Variants in MTUS1 observed in about 807,000 individuals in gnomAD.
The protein encoded by MTUS1 is microtubule-associated tumor suppressor 1.
MTUS1 carries 109 observed loss-of-function variants against 120.8 expected under a neutral mutation model. The observed-to-expected ratio is 0.90, with a 90% CI of 0.77 to 1.06. The LOEUF (loss-of-function observed/expected upper bound fraction) is 1.06. Ranked by LOEUF, MTUS1 falls within the 50% of genes least tolerant of loss-of-function variation. The pLI, the probability that MTUS1 is intolerant of heterozygous loss-of-function variation, is 0.00. For synonymous variants in MTUS1, 737 were observed against 550.5 expected, an observed-to-expected ratio of 1.34 and a Z score of -4.74; for missense variants, 2,210 against 1,486.3, an observed-to-expected ratio of 1.49 and a Z score of -8.01.
At chr8:17,796,220 G>A (rs1414905994) in intron 1 of MTUS1, among the ~76,000 whole-genome samples, 1 of 582 alleles carries the variant, frequency 1.7e-3, no homozygotes, top group East Asian at 0.083. Context: ...CAAAGTGCTG[G>A]GATTACAATG....
chr8:17,751,565 T>TC (rs2048193507), intron 2 of MTUS1, among the ~76,000 whole-genome samples: 1 of 64,516 alleles, frequency 1.6e-5, no homozygotes, highest in Non-Finnish European at 5.5e-5. Flanking sequence ...GACATGATCG[T>TC]GAAAAAAGAG....
intron 1 of MTUS1, 132 bp from the exon 2 acceptor site, chr8:17,756,093 G>T (rs2048587015): frequency 8.1e-6 from 3 of 369,178 alleles, no homozygotes; most frequent in Non-Finnish European, 1.4e-5. Flanking sequence ...ACTGATGTGG[G>T]TAACTGAGAT....
chr8:17,665,683 A>G (rs932051961), intron 8 of MTUS1, among the ~76,000 whole-genome samples: 5 of 152,076 alleles, frequency 3.3e-5, no homozygotes, highest in Non-Finnish European at 5.9e-5. Flanking sequence ...CCTCTTTGAG[A>G]GCCTAACCAC....
chr8:17,686,048 G>C (rs564304885), intron 6 of MTUS1, among the ~76,000 whole-genome samples: 29 of 152,148 alleles, frequency 1.9e-4, no homozygotes, highest in Non-Finnish European at 4.0e-4. Flanking sequence ...AATGTTTTTA[G>C]AAATTGTCAC....
chr8:17,728,303 G>C (rs182769290), intron 3 of MTUS1, among the ~76,000 whole-genome samples: 454 of 152,188 alleles, frequency 3.0e-3, no homozygotes, highest in African/African-American at 0.01. Flanking sequence ...TAGTAGAGAT[G>C]GGGTTTCATC....
At chr8:17,686,321 T>C (rs952597128) in intron 6 of MTUS1, among the ~76,000 whole-genome samples, 2 of 152,216 alleles carry the variant, frequency 1.3e-5, no homozygotes, top group African/African-American at 4.8e-5. Context: ...AATAAATATT[T>C]ATGCAACAAA....
chr8:17,766,358 T>C (rs562274765), intron 1 of MTUS1, among the ~76,000 whole-genome samples: 2 of 152,348 alleles, frequency 1.3e-5, no homozygotes, highest in East Asian at 3.9e-4. Context: ...TTCCCACTCA[T>C]GCCAAAGGCC....
chr8:17,760,800 T>A (rs1276296867), intron 1 of MTUS1, among the ~76,000 whole-genome samples: 1 of 122,936 alleles, frequency 8.1e-6, no homozygotes, highest in Non-Finnish European at 1.7e-5. Flanking sequence ...GAGAGTGTGC[T>A]GGAGGGAAAA....
intron 1 of MTUS1, among the ~76,000 whole-genome samples, chr8:17,757,484 A>G (rs2048713259): frequency 2.0e-5 from 3 of 152,216 alleles, no homozygotes; most frequent in Admixed American, 6.5e-5. Context: ...GAAACCATTA[A>G]AACACCCACG....
chr8:17,750,255 A>G (rs913170466), intron 2 of MTUS1, among the ~76,000 whole-genome samples: 7 of 152,358 alleles, frequency 4.6e-5, no homozygotes, highest in African/African-American at 1.2e-4. Context: ...AGAACAATAC[A>G]GAATTGGCCA....
intron 1 of MTUS1, among the ~76,000 whole-genome samples, chr8:17,799,081 C>G (rs1299955001): frequency 5.3e-5 from 8 of 151,532 alleles, no homozygotes; most frequent in African/African-American, 1.9e-4. Context: ...CACCAGTATT[C>G]TCACAGAGAG....
chr8:17,747,357 G>T (rs2047840915), intron 2 of MTUS1, among the ~76,000 whole-genome samples: 1 of 152,074 alleles, frequency 6.6e-6, no homozygotes, highest in Non-Finnish European at 1.5e-5. Flanking sequence ...AGCCTTCCTT[G>T]ACAACTCTGC....
chr8:17,714,983 G>C (rs1401590444), intron 5 of MTUS1, among the ~76,000 whole-genome samples: 5 of 129,882 alleles, frequency 3.8e-5, no homozygotes, highest in Admixed American at 2.0e-4. Flanking sequence ...TCGGCTCACT[G>C]CAACCTCTGC....
intron 1 of MTUS1, among the ~76,000 whole-genome samples, chr8:17,775,625 T>A (rs2050363377): frequency 6.6e-6 from 1 of 152,332 alleles, no homozygotes; most frequent in Admixed American, 6.5e-5. Flanking sequence ...TTAACTATCA[T>A]AAAAGAGACA....
chr8:17,688,009 T>C lies in MTUS1; in HGVS notation c.2624-3467A>G, dbSNP rs145986385. Among the ~76,000 whole-genome samples the C allele has an allele frequency of 2.1e-3, 326 of 152,272 alleles. 2 individuals carry two copies. The highest frequency in any genetic ancestry group is 7.4e-3 in the African/African-American group (309 of 41,564). On this transcript the variant is annotated intron_variant, in intron 6 of 14. Transcript: ENST00000693296. ...AAGACATGGACTAACCGTAACCACA[T>C]ACTAGCAGCTGAGGACACATTCATT...
At chr8:17,667,277 G>C (rs1325211375) in intron 8 of MTUS1, among the ~76,000 whole-genome samples, 1 of 152,188 alleles carries the variant, frequency 6.6e-6, no homozygotes, top group East Asian at 1.9e-4. Flanking sequence ...AAACAGCCCT[G>C]TTTTGGTGTA....
chr8:17,764,905 G>C (rs879434629), intron 1 of MTUS1, among the ~76,000 whole-genome samples: 1 of 152,112 alleles, frequency 6.6e-6, no homozygotes, highest in Non-Finnish European at 1.5e-5. Context: ...GAGGATTCAA[G>C]CATATTATGA....
At chr8:17,738,060 A>C (rs1478038279) in intron 3 of MTUS1, among the ~76,000 whole-genome samples, 1 of 152,264 alleles carries the variant, frequency 6.6e-6, no homozygotes, top group African/African-American at 2.4e-5. Flanking sequence ...AGTCACTGCA[A>C]GTTTCGGACG....
intron 1 of MTUS1, among the ~76,000 whole-genome samples, chr8:17,779,629 G>A (rs6586649): frequency 1 from 151,884 of 152,344 alleles, 75,715 homozygotes; most frequent in Middle Eastern, 1. Context: ...TTGACAAATC[G>A]AAACCTCTTC....
Sources: allele counts gnomAD v4.1 joint callset (sites outside exome capture counted in the v4.1 genomes callset), GRCh38; gene constraint gnomAD v4.1.1; transcripts MANE v1.5; gene names NCBI Gene and HGNC (gene_info 2026-07-23, HGNC 2026-07-21).